The following IL20RA variants were observed in gnomAD, a reference collection of about 807,000 sequenced individuals.
The protein encoded by IL20RA is interleukin 20 receptor subunit alpha.
Under a neutral mutation model 36.5 loss-of-function variants are expected in IL20RA, and 29 were observed. The ratio of observed to expected loss-of-function variants is 0.79; its 90% CI spans 0.59 to 1.08. The LOEUF (loss-of-function observed/expected upper bound fraction) is 1.08. IL20RA is among the 50% of genes least tolerant of loss of function. IL20RA has a pLI of 0.00. For missense variants in IL20RA, 652 were observed against 668.4 expected (o/e 0.98, Z 0.27); for synonymous variants, 279 against 267.1 (o/e 1.04, Z -0.43).
chr6:137,019,710 G>A lies in IL20RA; in HGVS notation c.89-2607C>T, dbSNP rs375820636. Among the ~76,000 whole-genome samples the A allele has an allele frequency of 2.0e-4, 30 of 152,256 alleles. 2 individuals are homozygous for A. Among genetic ancestry groups the A allele is most frequent in the East Asian group, 7.7e-4 (4 of 5,180 alleles). On this transcript the variant is annotated intron_variant, in intron 1 of 6. Transcript: ENST00000316649. ...CTAAATGGTCCTTCACAAATGCTATGCCAATTGTTGAAATGTTAGCAAACT... is the reference window on the plus strand; with the variant it reads ...CTAAATGGTCCTTCACAAATGCTATACCAATTGTTGAAATGTTAGCAAACT...
At chr6:137,029,867 A>G (rs1776211040) in intron 1 of IL20RA, among the ~76,000 whole-genome samples, 2 of 152,196 alleles carry the variant, frequency 1.3e-5, no homozygotes, top group South Asian at 4.2e-4. Flanking sequence ...TCTTCCACTA[A>G]TATCTTCATG....
intron 3 of IL20RA, among the ~76,000 whole-genome samples, chr6:137,010,294 G>A (rs1000966853): frequency 6.6e-6 from 1 of 152,218 alleles, no homozygotes; most frequent in African/African-American, 2.4e-5. Context: ...CACTCTTGCT[G>A]TATTGCGAAA....
intron 3 of IL20RA, among the ~76,000 whole-genome samples, chr6:137,010,593 G>A (rs1042346919): frequency 2.0e-5 from 3 of 152,212 alleles, no homozygotes; most frequent in Non-Finnish European, 2.9e-5. Context: ...GCAGCCCTGA[G>A]TGGGTCCTTC....
chr6:137,044,582 T>G, intron 1 of IL20RA, 59 bp downstream of exon 1: 1 of 1,211,052 alleles, frequency 8.3e-7, no homozygotes, highest in Non-Finnish European at 1.0e-6. Flanking sequence ...GAGCTCTGCC[T>G]GGCGGGGCCC....
At chr6:137,024,345 G>A (rs276485) in intron 1 of IL20RA, among the ~76,000 whole-genome samples, 124,953 of 152,218 alleles carry the variant, frequency 0.82, 56,619 homozygotes, top group East Asian at 1. Context: ...ATCAACACCA[G>A]AGTGAAAACA....
chr6:137,032,077 GA>G (rs151043154), intron 1 of IL20RA, among the ~76,000 whole-genome samples: 26 of 146,254 alleles, frequency 1.8e-4, no homozygotes, highest in South Asian at 4.4e-4. Context: ...AAAAAGAAAA[GA>G]AAAAAAAGAA....
chr6:137,001,323 GC>G lies in IL20RA; in HGVS notation c.*234del. On this transcript the variant is annotated 3_prime_UTR_variant, in exon 7 of 7. Coordinates refer to ENST00000316649, the MANE Select transcript of IL20RA (RefSeq NM_014432.4). The stretch of plus-strand genomic sequence containing the variant: ...CAAACATTTATTGACTGCTTTCTCT[GC>G]ATAGAACAACCGGCCAGCCCCTGGA... The G allele has an allele frequency of 5.0e-6, 2 of 398,744 alleles. No homozygotes were observed. Among genetic ancestry groups the G allele is most frequent in the Non-Finnish European group, 8.9e-6 (2 of 224,564 alleles). The allele number at this position is 398,744 out of a possible 1,614,324, so 24.7% of individuals were successfully genotyped here.
chr6:137,011,180 C>T, intron 3 of IL20RA, 94 bp downstream of exon 3: 2 of 1,030,636 alleles, frequency 1.9e-6, no homozygotes, highest in Non-Finnish European at 2.9e-6. Context: ...AAGCAGAGTA[C>T]CTTCCTCTGG....
chr6:137,039,322 G>C (rs374077672), intron 1 of IL20RA, among the ~76,000 whole-genome samples: 1 of 152,168 alleles, frequency 6.6e-6, no homozygotes, highest in African/African-American at 2.4e-5. Context: ...TGGATGTTGG[G>C]TACATGATAC....
intron 1 of IL20RA, among the ~76,000 whole-genome samples, chr6:137,042,591 G>A (rs538545897): frequency 2.0e-5 from 3 of 152,196 alleles, no homozygotes; most frequent in South Asian, 4.2e-4. Context: ...TGAGGGAGCC[G>A]CATAGACATT....
In IL20RA at chr6:137,009,299, A is replaced by G; in HGVS notation, c.579+18T>C. 2 of 1,601,236 alleles carry G rather than the reference A, an allele frequency of 1.2e-6. No homozygotes were observed. The highest frequency in any genetic ancestry group is 1.7e-6 in the Non-Finnish European group (2 of 1,168,252). ...AGAGTGGTACATGAATGTATGCCCC[A>G]TTCCATTTCAGGCTTACCGTTCTGT... is the stretch of plus-strand genomic sequence containing the variant. On this transcript the variant is annotated intron_variant, in intron 4 of 6. Coordinates refer to ENST00000316649, the MANE Select transcript of IL20RA (RefSeq NM_014432.4).
chr6:137,023,818 G>T lies in IL20RA; in HGVS notation c.89-6715C>A, dbSNP rs540792712. Among the ~76,000 whole-genome samples the T allele has an allele frequency of 6.4e-4, 97 of 152,330 alleles. 1 individual carries two copies. Among genetic ancestry groups the T allele is most frequent in the Middle Eastern group, 3.4e-3 (1 of 294 alleles). Reference sequence around the variant, plus strand: ...GTGATAAAAAATAGAATTAGCCCAGGTGTGTGGGCTCACACCTGTAATCCC... The same window carrying T: ...GTGATAAAAAATAGAATTAGCCCAGTTGTGTGGGCTCACACCTGTAATCCC... On this transcript the variant is annotated intron_variant, in intron 1 of 6. Transcript: ENST00000316649.
At chr6:137,011,163 T>C in intron 3 of IL20RA, 111 bp downstream of exon 3, 3 of 841,788 alleles carry the variant, frequency 3.6e-6, no homozygotes, top group Middle Eastern at 3.4e-4. Flanking sequence ...TGGTCCAGAA[T>C]ACAGCCAAGC....
chr6:137,041,534 G>GTTTTTTTAGTTT (rs1776691494), intron 1 of IL20RA, among the ~76,000 whole-genome samples: 2 of 152,122 alleles, frequency 1.3e-5, no homozygotes, highest in South Asian at 4.2e-4. Flanking sequence ...TAGTTCACTA[G>GTTTTTTTAGTTT]AATCATTTAT....
rs1023553867 is a variant in IL20RA, at chr6:137,040,490, A to G, written c.88+4151T>C. ...CATTAATTCCAGGCCTGGGGCAGGG[A>G]AAACACTAGATGAGTCTGGAATGTT... On this transcript the variant is annotated intron_variant, in intron 1 of 6. Coordinates refer to ENST00000316649, the MANE Select transcript of IL20RA (RefSeq NM_014432.4). Among the ~76,000 whole-genome samples, 4 of 152,324 alleles carry G rather than the reference A, an allele frequency of 2.6e-5. No homozygotes were observed. In the East Asian group the frequency reaches 7.7e-4, roughly 29 times the overall value.
At position 137,004,760 on chromosome 6, in the gene IL20RA, T is replaced by C; in HGVS notation, c.725A>G (p.Asp242Gly). The stretch of plus-strand genomic sequence containing the variant: ...TTTAGCCTTGAACTCTGATGATTGA[T>C]CTGTAAAAAAAAAAAAAAAGGTGGG... ...SEKQCARTLK[D>G]QSSEFKAKII... The change falls in exon 6 of 7, where the codon GAT (aspartate) becomes GGT (glycine). Residue 242 changes from aspartate to glycine, a missense_variant and splice_region_variant. Asp to Gly is a moderately conservative substitution (Grantham distance 94). Transcript: ENST00000316649. The C allele has an allele frequency of 6.8e-7, 1 of 1,462,656 alleles. No homozygotes were observed. The highest frequency in any genetic ancestry group is 9.0e-7 in the Non-Finnish European group (1 of 1,111,134). 90.6% of individuals were successfully genotyped at this position (1,462,656 alleles called of 1,614,324 possible).
chr6:137,039,833 A>G (rs1458502065), intron 1 of IL20RA, among the ~76,000 whole-genome samples: 8 of 152,228 alleles, frequency 5.3e-5, no homozygotes, highest in Non-Finnish European at 1.0e-4. Context: ...CTAGCTGCCA[A>G]ATGCCCCAAA....
At chr6:137,040,305 T>C (rs1419828432) in intron 1 of IL20RA, among the ~76,000 whole-genome samples, 1 of 151,934 alleles carries the variant, frequency 6.6e-6, no homozygotes, top group African/African-American at 2.4e-5. Context: ...TATAGATGTG[T>C]GTGTATAACT....
In IL20RA at chr6:137,002,348, A is replaced by G; in HGVS notation, c.872T>C (p.Ile291Thr). 1 of 1,580,364 alleles carries G rather than the reference A, an allele frequency of 6.3e-7. No individual in the cohort carries two copies. The highest frequency in any genetic ancestry group is 1.2e-5 in the South Asian group (1 of 86,100). Residue 291 changes from isoleucine (I) to threonine (T), a missense_variant, in exon 7 of 7, where the codon ATT (isoleucine) becomes ACT (threonine). Ile to Thr is a moderately conservative substitution (Grantham distance 89). Coordinates refer to ENST00000316649, the MANE Select transcript of IL20RA (RefSeq NM_014432.4). ...KEKHPANLIL[I>T]YGNEFDKRFF... ...TCTTTTGTCAAATTCATTTCCATAAATCAAAATCTATAAAGAGAAAAGAGA... is the reference window on the plus strand; with the variant it reads ...TCTTTTGTCAAATTCATTTCCATAAGTCAAAATCTATAAAGAGAAAAGAGA...
Sources: allele counts gnomAD v4.1 joint callset (sites outside exome capture counted in the v4.1 genomes callset), GRCh38; gene constraint gnomAD v4.1.1; transcripts MANE v1.5; gene names NCBI Gene and HGNC (gene_info 2026-07-23, HGNC 2026-07-21).